The following KIAA1586 variants were observed in gnomAD, a reference collection of about 807,000 sequenced individuals.
KIAA1586 encodes the protein E3 SUMO-protein ligase KIAA1586.
Under a neutral mutation model 6.1 loss-of-function variants are expected in KIAA1586, and 5 were observed. That is an observed-to-expected ratio of 0.82 (90% CI 0.43 to 1.73). The LOEUF (loss-of-function observed/expected upper bound fraction) is 1.73, where lower values mean the gene tolerates loss of function less well. KIAA1586 is among the 40% of genes most tolerant of loss of function. The pLI is 0.02. For synonymous variants in KIAA1586, 280 were observed against 301.7 expected (o/e 0.93, Z 0.75); for missense variants, 899 against 878.2 (o/e 1.02, Z -0.30).
intron 3 of KIAA1586, among the ~76,000 whole-genome samples, chr6:57,051,865 T>G (rs1437111393): frequency 6.6e-6 from 1 of 152,126 alleles, no homozygotes; most frequent in Non-Finnish European, 1.5e-5. Context: ...TTTCAGCTAC[T>G]TGGGAGGCGG....
chr6:57,065,707 G>A, the KIAA1586 span, among the ~76,000 whole-genome samples: 1 of 152,088 alleles, frequency 6.6e-6, no homozygotes, highest in Admixed American at 6.5e-5. Flanking sequence ...GGCTGGTTGT[G>A]CATCTTTTTC....
At chr6:57,066,076 A>G in the KIAA1586 span, among the ~76,000 whole-genome samples, 2 of 151,884 alleles carry the variant, frequency 1.3e-5, no homozygotes, top group Middle Eastern at 3.4e-3. Flanking sequence ...CAGGAGTTCA[A>G]TACCAGCCTG....
At chr6:57,066,775 A>G in the KIAA1586 span, among the ~76,000 whole-genome samples, 1 of 152,100 alleles carries the variant, frequency 6.6e-6, no homozygotes, top group Non-Finnish European at 1.5e-5. Context: ...CTTTCTGTTA[A>G]GTGGCACCTT....
rs1452938273 is a variant in KIAA1586 at position 57,052,831 on chromosome 6, T to C, written c.332T>C (p.Ile111Thr). 1 of 1,613,668 alleles carries C rather than the reference T, an allele frequency of 6.2e-7. No homozygotes were observed. The highest frequency in any genetic ancestry group is 8.5e-7 in the Non-Finnish European group (1 of 1,179,778). The change falls in exon 4 of 4, where the codon ATT becomes ACT. Residue 111 changes from isoleucine (I) to threonine (T), a missense_variant. Ile to Thr is a moderately conservative substitution (Grantham distance 89). Coordinates refer to ENST00000370733, the MANE Select transcript of KIAA1586 (RefSeq NM_020931.4). The part of the protein sequence containing the change: ...SKAKEPHFEY[I>T]EQPIIEEKPS... The stretch of plus-strand genomic sequence containing the variant: ...GCAAAGGAACCACATTTCGAGTATA[T>C]TGAACAACCAATCATTGAAGAAAAG...
chr6:57,056,048 G>A (rs1347470742), downstream of KIAA1586, among the ~76,000 whole-genome samples: 1 of 152,016 alleles, frequency 6.6e-6, no homozygotes, highest in Non-Finnish European at 1.5e-5. Context: ...AAATAGCTGA[G>A]ATTCTTTTTT....
At position 57,054,843 on chromosome 6, in the gene KIAA1586, G is replaced by C. The variant is rs1344271219; in HGVS notation, c.2344G>C (p.Ala782Pro). The C allele has an allele frequency of 6.5e-7, 1 of 1,548,654 alleles. No homozygotes were observed. Among genetic ancestry groups the C allele is most frequent in the Admixed American group, 2.0e-5 (1 of 50,740 alleles). The change falls in exon 4 of 4, where the codon GCT becomes CCT. Residue 782 changes from alanine to proline, a missense_variant. By Grantham distance (27) the Ala-to-Pro change is conservative (BLOSUM62 -1). Transcript: ENST00000370733. ...STKVFHENQL[A>P]IWNLK ...AAAAGTCTTCCATGAGAATCAATTG[G>C]CTATATGGAACTTAAAATAGAATAT...
chr6:57,055,352 T>C (rs1397573875), downstream of KIAA1586: 1 of 151,548 alleles, frequency 6.6e-6, no homozygotes, highest in Non-Finnish European at 1.5e-5. Context: ...TACTTAAATA[T>C]GAAAACTGAA....
intron 3 of KIAA1586, among the ~76,000 whole-genome samples, 176 bp downstream of exon 3, chr6:57,051,030 G>A (rs777200887): frequency 6.6e-6 from 1 of 151,736 alleles, no homozygotes; most frequent in Non-Finnish European, 1.5e-5. Context: ...AGGAGTTCGA[G>A]ACCAGCCTGG....
downstream of KIAA1586, among the ~76,000 whole-genome samples, chr6:57,059,204 T>A (rs1828534102): frequency 6.6e-6 from 1 of 152,056 alleles, no homozygotes; most frequent in Non-Finnish European, 1.5e-5. Flanking sequence ...ACTATATTGA[T>A]AATATGTTAT....
At chr6:57,052,445 T>C (rs1425364620) in intron 3 of KIAA1586, among the ~76,000 whole-genome samples, 1 of 152,178 alleles carries the variant, frequency 6.6e-6, no homozygotes, top group Admixed American at 6.5e-5. Context: ...ATTTTGCTAA[T>C]TGGATGATAA....
At chr6:57,066,538 C>A in the KIAA1586 span, among the ~76,000 whole-genome samples, 2 of 152,122 alleles carry the variant, frequency 1.3e-5, no homozygotes, top group African/African-American at 4.8e-5. Flanking sequence ...AGTGGTTCTT[C>A]ACAAGTTTCC....
chr6:57,063,700 C>T, the KIAA1586 span, among the ~76,000 whole-genome samples: 4 of 151,950 alleles, frequency 2.6e-5, no homozygotes, highest in African/African-American at 7.2e-5. Context: ...GCGATCTGCC[C>T]GCCTCAGCCT....
chr6:57,061,882 C>T, the KIAA1586 span, among the ~76,000 whole-genome samples: 1 of 150,942 alleles, frequency 6.6e-6, no homozygotes, highest in African/African-American at 2.4e-5. Flanking sequence ...AAGACATGAT[C>T]TTTTTATTAA....
Position 57,054,516 on chromosome 6 carries a change from G to C in KIAA1586, c.2017G>C (p.Glu673Gln). Residue 673 changes from glutamate to glutamine, a missense_variant, in exon 4 of 4, where the codon GAA becomes CAA. Coordinates refer to ENST00000370733, the MANE Select transcript of KIAA1586 (RefSeq NM_020931.4). The part of the protein sequence containing the change: ...KYEVDLNDFR[E>Q]FVNNNIKSNN... ...TGAAGTTGATTTGAATGATTTTCGG[G>C]AATTTGTAAATAATAATATAAAATC... 6.3e-7 allele frequency: 1 copy of C among 1,592,964 alleles called. No individual in the cohort carries two copies. The highest frequency in any genetic ancestry group is 8.5e-7 in the Non-Finnish European group (1 of 1,170,468).
chr6:57,053,096 G>T lies in KIAA1586; in HGVS notation c.597G>T (p.Arg199Ser), dbSNP rs2127910021. 1 of 1,610,246 alleles carries T rather than the reference G, an allele frequency of 6.2e-7. No homozygotes were observed. The highest frequency in any genetic ancestry group is 2.2e-5 in the East Asian group (1 of 44,850). ...CTAATGGCAGTAATAAAACTACTAGGCAAGCTTCTCTACGAAAAAAAATTA... is the reference window on the plus strand; with the variant it reads ...CTAATGGCAGTAATAAAACTACTAGTCAAGCTTCTCTACGAAAAAAAATTA... ...VTPNGSNKTT[R>S]QASLRKKIRE... The change falls in exon 4 of 4, where the codon AGG (arginine) becomes AGT (serine). Residue 199 changes from arginine to serine, a missense_variant. By Grantham distance (110) the Arg-to-Ser change is moderately radical. Transcript: ENST00000370733.
At chr6:57,056,206 G>A (rs1219553450), downstream of KIAA1586, among the ~76,000 whole-genome samples, 1 of 151,466 alleles carries the variant, frequency 6.6e-6, no homozygotes, top group East Asian at 1.9e-4. Flanking sequence ...GTGCCACGAC[G>A]CCTGCCTAAT....
Position 57,054,435 on chromosome 6 carries a change from TCAC to T in KIAA1586, c.1939_1941del (p.Pro647del), listed in dbSNP as rs767527556. 134 of 1,608,274 alleles carry T rather than the reference TCAC, an allele frequency of 8.3e-5. No individual in the cohort carries two copies. The highest frequency in any genetic ancestry group is 1.1e-4 in the Non-Finnish European group (128 of 1,177,618). Reference sequence around the variant, plus strand: ...CACATGGCCTTATGAAGAAATAACTTCACCATGGATAGCTGGTGAAAAAACATT... The same window carrying T: ...CACATGGCCTTATGAAGAAATAACTTCATGGATAGCTGGTGAAAAAACATT... On this transcript the variant is annotated inframe_deletion, in exon 4 of 4. Transcript: ENST00000370733.
chr6:57,059,531 C>CA (rs1002976087), downstream of KIAA1586, among the ~76,000 whole-genome samples: 2 of 147,940 alleles, frequency 1.4e-5, no homozygotes, highest in East Asian at 2.0e-4. Context: ...GCAGAGCTTA[C>CA]AGTGAGCCGA....
At chr6:57,063,476 C>T in the KIAA1586 span, among the ~76,000 whole-genome samples, 17,753 of 96,952 alleles carry the variant, frequency 0.18, 1,281 homozygotes, top group Middle Eastern at 0.35. Flanking sequence ...TTTTTTGAGA[C>T]GGCATCTTGC....
Sources: gnomAD v4.1 joint callset for allele counts (sites outside exome capture counted in the v4.1 genomes callset) on GRCh38, gnomAD v4.1.1 for gene constraint, MANE v1.5 for transcripts, NCBI Gene and HGNC (gene_info 2026-07-23, HGNC 2026-07-21) for gene names.